The following CMSS1 variants were observed in gnomAD, a reference collection of about 807,000 sequenced individuals.
CMSS1 encodes cms1 ribosomal small subunit homolog.
CMSS1 carries 33 observed loss-of-function variants against 43.5 expected under a neutral mutation model. That is an observed-to-expected ratio of 0.76 (90% CI 0.57 to 1.01). CMSS1 has a LOEUF of 1.01. Ranked by LOEUF, CMSS1 falls within the 50% of genes least tolerant of loss-of-function variation. CMSS1 has a pLI of 0.00. For synonymous variants in CMSS1, 115 were observed against 117.2 expected, an observed-to-expected ratio of 0.98 and a Z score of 0.12; for missense variants, 313 against 326.4, an observed-to-expected ratio of 0.96 and a Z score of 0.32.
chr3:100,014,884 TTTC>T (rs1243208566), intron 1 of CMSS1, among the ~76,000 whole-genome samples: 2 of 125,704 alleles, frequency 1.6e-5, no homozygotes, highest in African/African-American at 2.8e-5. Flanking sequence ...CTTTTTTTTT[TTTC>T]TTTCTTTCTT....
chr3:99,820,041 C>G (rs1466941688), intron 1 of CMSS1, among the ~76,000 whole-genome samples: 1 of 152,010 alleles, frequency 6.6e-6, no homozygotes, highest in Non-Finnish European at 1.5e-5. Context: ...GCGTGAGCCA[C>G]CGTGCCTGGC....
At chr3:99,989,990 G>C (rs1427548865) in intron 1 of CMSS1, among the ~76,000 whole-genome samples, 3 of 151,996 alleles carry the variant, frequency 2.0e-5, no homozygotes, top group Non-Finnish European at 4.4e-5. Flanking sequence ...AATGCCAGTG[G>C]TTTATTTCTG....
intron 1 of CMSS1, among the ~76,000 whole-genome samples, chr3:100,090,096 C>T (rs1406158308): frequency 6.6e-6 from 1 of 152,240 alleles, no homozygotes; most frequent in Non-Finnish European, 1.5e-5. Context: ...TCACTGTCTG[C>T]AGCTGATCCT....
intron 1 of CMSS1, among the ~76,000 whole-genome samples, chr3:99,882,316 A>T (rs561181387): frequency 2.6e-5 from 4 of 152,278 alleles, no homozygotes; most frequent in African/African-American, 9.6e-5. Flanking sequence ...TAATTGTAAA[A>T]TCCTTTCCTT....
intron 6 of CMSS1, among the ~76,000 whole-genome samples, chr3:100,168,554 C>T (rs2067083550): frequency 6.6e-6 from 1 of 151,954 alleles, no homozygotes; most frequent in African/African-American, 2.4e-5. Context: ...GATAGAATAC[C>T]ATGGAATATA....
At chr3:99,912,580 G>A (rs1479500933) in intron 1 of CMSS1, among the ~76,000 whole-genome samples, 5 of 152,150 alleles carry the variant, frequency 3.3e-5, no homozygotes, top group Non-Finnish European at 7.4e-5. Context: ...GTTTTGCCAT[G>A]TTGCCCAGGC....
At chr3:100,132,068 C>A (rs2066713502) in intron 1 of CMSS1, among the ~76,000 whole-genome samples, 2 of 152,206 alleles carry the variant, frequency 1.3e-5, no homozygotes, top group East Asian at 3.9e-4. Context: ...TTTAAAACAT[C>A]TGTAAATCGA....
chr3:100,033,517 A>T (rs1223623684), intron 1 of CMSS1, among the ~76,000 whole-genome samples: 1 of 152,232 alleles, frequency 6.6e-6, no homozygotes, highest in Non-Finnish European at 1.5e-5. Context: ...CTTCAAGACC[A>T]GGATTCTTAA....
chr3:100,081,438 A>T (rs943662271), intron 1 of CMSS1, among the ~76,000 whole-genome samples: 1 of 152,192 alleles, frequency 6.6e-6, no homozygotes, highest in Non-Finnish European at 1.5e-5. Context: ...TTGTCTGTCA[A>T]TGCTAGTCTC....
At chr3:100,037,252 C>G (rs1021851532) in intron 1 of CMSS1, among the ~76,000 whole-genome samples, 4 of 152,024 alleles carry the variant, frequency 2.6e-5, no homozygotes, top group Admixed American at 2.6e-4. Context: ...GGCAAAGGGA[C>G]ATGATGTCTG....
rs147179830 is a variant in CMSS1, at chr3:100,070,118, G to A, written c.65-76855G>A. ...GAAAGAGGCCGTGGATTTGGACAGT[G>A]ATACCAAACAGCTAACATGAAGTGC... is the stretch of plus-strand genomic sequence containing the variant. On this transcript the variant is annotated intron_variant, in intron 1 of 9. Transcript: ENST00000421999. Among the ~76,000 whole-genome samples, 678 of 152,302 alleles carry A rather than the reference G, an allele frequency of 4.5e-3. 7 individuals carry two copies. Among genetic ancestry groups the A allele is most frequent in the African/African-American group, 0.016 (664 of 41,548 alleles).
At chr3:100,142,999 A>ACAAG (rs1424052468) in intron 1 of CMSS1, among the ~76,000 whole-genome samples, 1 of 152,216 alleles carries the variant, frequency 6.6e-6, no homozygotes, top group Non-Finnish European at 1.5e-5. Flanking sequence ...GTGCCAATTT[A>ACAAG]CAAGGTACAG....
At chr3:100,153,139 C>T (rs774789158) in intron 2 of CMSS1, among the ~76,000 whole-genome samples, 22 of 152,182 alleles carry the variant, frequency 1.4e-4, no homozygotes, top group Non-Finnish European at 1.5e-5. Context: ...AAAGCCCAGT[C>T]TGGATTGAAA....
At chr3:99,872,052 T>C (rs1176978942) in intron 1 of CMSS1, among the ~76,000 whole-genome samples, 1 of 152,136 alleles carries the variant, frequency 6.6e-6, no homozygotes, top group Admixed American at 6.5e-5. Context: ...TTTCTGGGGC[T>C]TCTGTTCTCC....
chr3:100,144,087 T>C (rs2066827067), intron 1 of CMSS1, among the ~76,000 whole-genome samples: 1 of 152,230 alleles, frequency 6.6e-6, no homozygotes, highest in Non-Finnish European at 1.5e-5. Flanking sequence ...GTTGGGGGTT[T>C]AAATCTGTGT....
At chr3:99,973,982 G>A (rs374267150) in intron 1 of CMSS1, among the ~76,000 whole-genome samples, 1 of 152,190 alleles carries the variant, frequency 6.6e-6, no homozygotes, top group Non-Finnish European at 1.5e-5. Flanking sequence ...CCAAATAGCT[G>A]GCTGAATTGC....
chr3:99,833,353 A>C, intron 1 of CMSS1: 2 of 1,101,942 alleles, frequency 1.8e-6, no homozygotes, highest in Non-Finnish European at 2.7e-6. Context: ...TCTCAAAAGA[A>C]ACCTAGCAAT....
intron 1 of CMSS1, among the ~76,000 whole-genome samples, chr3:99,885,796 A>G (rs766887949): frequency 2.0e-5 from 3 of 152,236 alleles, no homozygotes; most frequent in Non-Finnish European, 4.4e-5. Context: ...GTACACACAG[A>G]GACTTGAAGG....
At chr3:99,928,547 A>G (rs1339497234) in intron 1 of CMSS1, among the ~76,000 whole-genome samples, 1 of 152,204 alleles carries the variant, frequency 6.6e-6, no homozygotes, top group Non-Finnish European at 1.5e-5. Flanking sequence ...AAGCATTTGT[A>G]GAAGGGGGGT....
Sources: gnomAD v4.1 joint callset for allele counts (sites outside exome capture counted in the v4.1 genomes callset) on GRCh38, gnomAD v4.1.1 for gene constraint, MANE v1.5 for transcripts, NCBI Gene and HGNC (gene_info 2026-07-23, HGNC 2026-07-21) for gene names.